Variants in PDE10A observed in about 807,000 individuals in gnomAD.
PDE10A encodes phosphodiesterase 10A, also known as cAMP and cAMP-inhibited cGMP 3',5'-cyclic phosphodiesterase 10A.
PDE10A carries 39 observed loss-of-function variants against 97.7 expected under a neutral mutation model. The ratio of observed to expected loss-of-function variants is 0.40; its 90% CI spans 0.31 to 0.52. PDE10A has a LOEUF of 0.52. Ranked by LOEUF, PDE10A falls within the 20% of genes least tolerant of loss-of-function variation. The pLI is 0.56. For missense variants in PDE10A, 731 were observed against 1,047.8 expected, an observed-to-expected ratio of 0.70 and a Z score of 4.17; for synonymous variants, 371 against 376.8, an observed-to-expected ratio of 0.98 and a Z score of 0.18.
At chr6:165,340,919 T>C (rs762644563) in intron 19 of PDE10A, among the ~76,000 whole-genome samples, 36 of 152,206 alleles carry the variant, frequency 2.4e-4, no homozygotes, top group Non-Finnish European at 4.8e-4. Context: ...ATCCGAATTA[T>C]TATCATCCCT....
intron 1 of PDE10A, among the ~76,000 whole-genome samples, chr6:165,610,433 A>G (rs1360710036): frequency 2.6e-5 from 4 of 151,350 alleles, no homozygotes; most frequent in African/African-American, 4.9e-5. Flanking sequence ...TGGGAGGCTG[A>G]GGCAGGAGAA....
At chr6:165,930,945 C>T (rs911604471) in intron 1 of PDE10A, among the ~76,000 whole-genome samples, 1 of 152,156 alleles carries the variant, frequency 6.6e-6, no homozygotes, top group East Asian at 1.9e-4. Context: ...CTGAGGGAAC[C>T]GCAAGGAGAA....
intron 13 of PDE10A, among the ~76,000 whole-genome samples, chr6:165,405,011 A>G (rs1202939934): frequency 6.6e-6 from 1 of 152,174 alleles, no homozygotes; most frequent in African/African-American, 2.4e-5. Context: ...GAGTTCTTTC[A>G]TGCTGAGGAC....
chr6:165,866,334 C>T (rs1328854847), intron 1 of PDE10A, among the ~76,000 whole-genome samples: 1 of 151,614 alleles, frequency 6.6e-6, no homozygotes, highest in Non-Finnish European at 1.5e-5. Flanking sequence ...TTTTGACTCA[C>T]CTTGCCCTTA....
intron 1 of PDE10A, among the ~76,000 whole-genome samples, chr6:165,627,405 G>A (rs1464396516): frequency 6.6e-6 from 1 of 152,212 alleles, no homozygotes; most frequent in Non-Finnish European, 1.5e-5. Context: ...CATGCCATAT[G>A]ATTAATTCTT....
At chr6:165,346,193 G>A (rs546740307) in intron 18 of PDE10A, among the ~76,000 whole-genome samples, 1 of 152,122 alleles carries the variant, frequency 6.6e-6, no homozygotes, top group African/African-American at 2.4e-5. Context: ...GGGTGGAGAT[G>A]ACTCATAGAC....
At chr6:165,915,598 C>A (rs961256741) in intron 1 of PDE10A, among the ~76,000 whole-genome samples, 1 of 152,192 alleles carries the variant, frequency 6.6e-6, no homozygotes, top group Non-Finnish European at 1.5e-5. Context: ...GTCTTCCTTG[C>A]TCTCTGTTTC....
intron 7 of PDE10A, among the ~76,000 whole-genome samples, chr6:165,432,710 G>C (rs1729421795): frequency 6.6e-6 from 1 of 151,970 alleles, no homozygotes; most frequent in South Asian, 2.1e-4. Flanking sequence ...TACTTTCTAT[G>C]ACTCAGAGTA....
intron 1 of PDE10A, among the ~76,000 whole-genome samples, chr6:165,919,161 G>A (rs1481948096): frequency 3.9e-5 from 6 of 152,008 alleles, no homozygotes; most frequent in South Asian, 2.1e-4. Context: ...ATGCCTTCAC[G>A]GAATTCTTCC....
chr6:165,838,219 C>T (rs1175826930), intron 1 of PDE10A, among the ~76,000 whole-genome samples: 1 of 152,188 alleles, frequency 6.6e-6, no homozygotes, highest in Non-Finnish European at 1.5e-5. Context: ...CATACCATCC[C>T]ATTCACCATT....
At chr6:165,929,733 A>G (rs1172226537) in intron 1 of PDE10A, among the ~76,000 whole-genome samples, 2 of 152,196 alleles carry the variant, frequency 1.3e-5, no homozygotes, top group African/African-American at 4.8e-5. Context: ...CCCACAAGAA[A>G]ATCTGACCCA....
intron 18 of PDE10A, among the ~76,000 whole-genome samples, chr6:165,360,612 C>T (rs1310024810): frequency 1.3e-5 from 2 of 152,114 alleles, no homozygotes; most frequent in Non-Finnish European, 2.9e-5. Context: ...TTTGGAAAAA[C>T]TGCTGAGGAG....
intron 1 of PDE10A, among the ~76,000 whole-genome samples, chr6:165,593,519 A>C (rs1341903599): frequency 6.6e-6 from 1 of 152,208 alleles, no homozygotes; most frequent in African/African-American, 2.4e-5. Flanking sequence ...TATGATCAAA[A>C]GCAGCACAAA....
chr6:165,459,504 G>C (rs923257643), intron 3 of PDE10A, among the ~76,000 whole-genome samples: 8 of 48,988 alleles, frequency 1.6e-4, no homozygotes, highest in Non-Finnish European at 2.9e-4. Flanking sequence ...TAGATAGATA[G>C]ATAGATAGAT....
At chr6:165,817,590 G>A (rs1779453770) in intron 1 of PDE10A, among the ~76,000 whole-genome samples, 1 of 152,144 alleles carries the variant, frequency 6.6e-6, no homozygotes, top group South Asian at 2.1e-4. Context: ...TAGTTAAACT[G>A]TAGAATGAGT....
At chr6:165,964,597 G>A (rs745672428) in intron 1 of PDE10A, among the ~76,000 whole-genome samples, 6 of 152,066 alleles carry the variant, frequency 3.9e-5, no homozygotes, top group East Asian at 3.9e-4. Flanking sequence ...CATCAACAAC[G>A]GAATGCTCCC....
intron 1 of PDE10A, among the ~76,000 whole-genome samples, chr6:165,868,720 A>G (rs1000230383): frequency 7.2e-5 from 11 of 152,232 alleles, no homozygotes; most frequent in Admixed American, 7.2e-4. Context: ...TAGAAAAGAA[A>G]GAAAACTACA....
At chr6:165,368,894 G>A (rs1033033211) in intron 18 of PDE10A, among the ~76,000 whole-genome samples, 7 of 152,134 alleles carry the variant, frequency 4.6e-5, no homozygotes, top group Non-Finnish European at 1.0e-4. Context: ...CCAGAGGAAC[G>A]ATCAGACAGC....
chr6:165,530,383 C>A (rs1458774909), intron 2 of PDE10A, among the ~76,000 whole-genome samples: 1 of 151,142 alleles, frequency 6.6e-6, no homozygotes, highest in Non-Finnish European at 1.5e-5. Flanking sequence ...GCAAACTATG[C>A]ATCCAAAAAA....
Sources: allele counts gnomAD v4.1 joint callset (sites outside exome capture counted in the v4.1 genomes callset), GRCh38; gene constraint gnomAD v4.1.1; transcripts MANE v1.5; gene names NCBI Gene and HGNC (gene_info 2026-07-23, HGNC 2026-07-21).